FLT4: variants seen among roughly 807,000 people sequenced by gnomAD.
FLT4 encodes vascular endothelial growth factor receptor 3.
FLT4 carries 30 observed loss-of-function variants against 163.2 expected under a neutral mutation model. That is an observed-to-expected ratio of 0.18 (90% CI 0.14 to 0.25). FLT4 has a LOEUF of 0.25. FLT4 is among the 10% of genes least tolerant of loss of function. The probability of loss-of-function intolerance (pLI) is 1.00; values close to 1 mark genes in which losing one functional copy is unlikely to be tolerated. For missense variants in FLT4, 1,510 were observed against 1,863.8 expected (o/e 0.81, Z 3.50); for synonymous variants, 884 against 789.5 (o/e 1.12, Z -2.01).
chr5:180,641,397 G>T (rs1765086161), intron 1 of FLT4, among the ~76,000 whole-genome samples: 1 of 152,224 alleles, frequency 6.6e-6, no homozygotes, highest in Admixed American at 6.5e-5. Context: ...CCTGGGCCTG[G>T]CCCTACTTCT....
At chr5:180,616,207 C>T (rs1307673097) in intron 23 of FLT4, among the ~76,000 whole-genome samples, 160 bp downstream of exon 23, 1 of 152,192 alleles carries the variant, frequency 6.6e-6, no homozygotes, top group Admixed American at 6.5e-5. Flanking sequence ...GTAGGGTCCC[C>T]TGGGGGCAGG....
rs1454083597 is a variant in FLT4, at chr5:180,623,982, T to C, written c.1501A>G (p.Ile501Val). The C allele has an allele frequency of 6.2e-7, 1 of 1,613,598 alleles. No individual in the cohort carries two copies. The highest frequency in any genetic ancestry group is 2.2e-5 in the East Asian group (1 of 44,870). The part of the protein sequence containing the change: ...AVTTQDAVNP[I>V]ESLDTWTEFV... Reference sequence around the variant, plus strand: ...TCGGTCCAGGTGTCCAGGCTCTCGATGGGGTTCACGGCATCCTGCGTGGTC... The same window carrying C: ...TCGGTCCAGGTGTCCAGGCTCTCGACGGGGTTCACGGCATCCTGCGTGGTC... Residue 501 changes from isoleucine to valine, a missense_variant, in exon 11 of 30, where the codon ATC becomes GTC. Coordinates refer to ENST00000261937, the MANE Select transcript of FLT4 (RefSeq NM_182925.5). This position sits in a 1 kb window ranked among gnomAD's most constrained non-coding sequence, Gnocchi z 5.8.
rs779816482 is a variant in FLT4 at position 180,630,052 on chromosome 5, C to A, written c.567G>T (p.Arg189=). The A allele has an allele frequency of 3.1e-6, 5 of 1,612,670 alleles. No individual in the cohort carries two copies. The highest frequency in any genetic ancestry group is 4.2e-6 in the Non-Finnish European group (5 of 1,180,014). The stretch of plus-strand genomic sequence containing the variant: ...GCAGTGGCGTGGACACGAGCATGCC[C>A]CGCCGGTCATCCCACACCACCTCCT... The part of the protein sequence containing the change: ...DGQEVVWDDR[R]GMLVSTPLLH... Residue 189 remains arginine, a synonymous_variant, in exon 5 of 30, where the codon CGG becomes CGT. Transcript: ENST00000261937. The surrounding 1 kb of genome is among the most constrained non-coding windows in gnomAD (Gnocchi z 6.3).
rs1764210350 is a variant in FLT4 at position 180,632,001 on chromosome 5, GC to G, written c.59-224del. 5.9e-5 allele frequency among the ~76,000 whole-genome samples: 9 copies of G among 152,188 alleles called. No homozygotes were observed. The South Asian group carries it at 1.7e-3, about 28-fold the overall frequency. On this transcript the variant is annotated intron_variant, in intron 1 of 29. Coordinates refer to ENST00000261937, the MANE Select transcript of FLT4 (RefSeq NM_182925.5). Reference sequence around the variant, plus strand: ...CGAACCTCTCCCACAGGCGCACCCTGCCTTGCCCCACAGCCCCCATCCTCAG... The same window carrying G: ...CGAACCTCTCCCACAGGCGCACCCTGCTTGCCCCACAGCCCCCATCCTCAG...
chr5:180,616,513 G>A (rs375643645), intron 22 of FLT4, 24 bp from the exon 23 acceptor site: 1 of 1,613,104 alleles, frequency 6.2e-7, no homozygotes, highest in Non-Finnish European at 8.5e-7. Context: ...AGGCGGCAGG[G>A]GGGCTGTCAG....
At chr5:180,640,721 G>A (rs1403831415) in intron 1 of FLT4, among the ~76,000 whole-genome samples, 2 of 152,194 alleles carry the variant, frequency 1.3e-5, no homozygotes, top group African/African-American at 2.4e-5. Flanking sequence ...CCATGATGTG[G>A]GAGTCGGCCC....
Position 180,618,818 on chromosome 5 carries a change from A to G in FLT4, c.2953T>C (p.Phe985Leu). 1 of 1,586,070 alleles carries G rather than the reference A, an allele frequency of 6.3e-7. No individual in the cohort carries two copies. Among genetic ancestry groups the G allele is most frequent in the Non-Finnish European group, 8.6e-7 (1 of 1,166,974 alleles). The change falls in exon 21 of 30, where the codon TTC (phenylalanine) becomes CTC (leucine). Residue 985 changes from phenylalanine to leucine, a missense_variant. Physicochemically the swap from Phe to Leu is conservative, Grantham distance 22. Transcript: ENST00000261937. ...GSSDRVLFARFSKTEGGARRA... is the reference protein window; with the variant it reads ...GSSDRVLFARLSKTEGGARRA... The stretch of plus-strand genomic sequence containing the variant: ...CTCGCTCCGCCCTCGGTCTTCGAGA[A>G]CCGCGCGAAGAGGACCCTGTCGCTG...
chr5:180,619,918 G>A, intron 17 of FLT4, 149 bp from the exon 18 acceptor site: 1 of 689,840 alleles, frequency 1.4e-6, no homozygotes, highest in Non-Finnish European at 2.5e-6. Context: ...ACAAGGAGAG[G>A]TGGACAGGAG....
chr5:180,632,214 T>C (rs1209865480), intron 1 of FLT4, among the ~76,000 whole-genome samples: 1 of 140,946 alleles, frequency 7.1e-6, no homozygotes, highest in Non-Finnish European at 1.6e-5. Flanking sequence ...GGTCCGCACA[T>C]CCCAGGTCCT....
intron 29 of FLT4, among the ~76,000 whole-genome samples, chr5:180,606,362 C>A (rs956920550): frequency 2.0e-5 from 3 of 152,232 alleles, no homozygotes; most frequent in Non-Finnish European, 4.4e-5. Context: ...GCTCTCCTCG[C>A]AGCCCCATCT....
At chr5:180,607,619 A>C (rs13161505) in intron 29 of FLT4, among the ~76,000 whole-genome samples, 1 of 144,662 alleles carries the variant, frequency 6.9e-6, no homozygotes, top group African/African-American at 2.5e-5. Context: ...CTAGCCTGGG[A>C]GACAGAGCGA....
chr5:180,614,808 C>T (rs80336108), intron 23 of FLT4, among the ~76,000 whole-genome samples: 2,721 of 152,264 alleles, frequency 0.018, 83 homozygotes, highest in African/African-American at 0.06. Context: ...CTCCAACCAG[C>T]GGCCATGCTG....
intron 1 of FLT4, among the ~76,000 whole-genome samples, chr5:180,648,615 GCTT>G (rs1765590407): frequency 6.6e-6 from 1 of 152,010 alleles, no homozygotes; most frequent in African/African-American, 2.4e-5. Flanking sequence ...CATCTTCTCA[GCTT>G]CCTCCCTGAC....
Position 180,602,990 on chromosome 5 carries a change from C to T in FLT4, c.*202G>A, listed in dbSNP as rs1339215249. 1 of 620,132 alleles carries T rather than the reference C, an allele frequency of 1.6e-6. No homozygotes were observed. The highest frequency in any genetic ancestry group is 2.7e-5 in the East Asian group (1 of 36,462). The allele number at this position is 620,132 out of a possible 1,614,324, so 38.4% of individuals were successfully genotyped here. ...GGGGCCGGGGCAGCTGGAGCGTGGC[C>T]CTGGCCAGTCGTGGTGACGGAATTC... On this transcript the variant is annotated 3_prime_UTR_variant, in exon 30 of 30. Coordinates refer to ENST00000261937, the MANE Select transcript of FLT4 (RefSeq NM_182925.5).
At chr5:180,607,498 G>A (rs1048772724) in intron 29 of FLT4, among the ~76,000 whole-genome samples, 4 of 151,934 alleles carry the variant, frequency 2.6e-5, no homozygotes, top group Non-Finnish European at 4.4e-5. Context: ...ACAATTAGCC[G>A]GGCGTGGTGG....
chr5:180,627,931 C>T (rs1461725850), intron 8 of FLT4, among the ~76,000 whole-genome samples: 1 of 152,140 alleles, frequency 6.6e-6, no homozygotes, highest in Non-Finnish European at 1.5e-5. Context: ...GTGGGAGGGT[C>T]ACACTGGGCT....
Position 180,630,898 on chromosome 5 carries a change from A to G in FLT4, c.156-99T>C. The G allele has an allele frequency of 7.1e-7, 1 of 1,408,268 alleles. No homozygotes were observed. Among genetic ancestry groups the G allele is most frequent in the South Asian group, 1.4e-5 (1 of 72,358 alleles). The allele number at this position is 1,408,268 out of a possible 1,614,324, so 87.2% of individuals were successfully genotyped here. A position where few individuals can be genotyped will look rare whatever the true frequency, so the allele number is the denominator to read the frequency against. ...GGCCGAGCCTCACCAGGTTTGTCTT[A>G]CCCAGAGCATGGAACTGCCCAGGGT... On this transcript the variant is annotated intron_variant, in intron 2 of 29. Transcript: ENST00000261937. The surrounding 1 kb of genome is among the most constrained non-coding windows in gnomAD (Gnocchi z 6.3).
chr5:180,645,314 G>C (rs957012015), intron 1 of FLT4, among the ~76,000 whole-genome samples: 1 of 152,250 alleles, frequency 6.6e-6, no homozygotes, highest in Non-Finnish European at 1.5e-5. Context: ...CTGAGCAGAT[G>C]CTAAGCTCCC....
chr5:180,608,923 G>A (rs1581608636), intron 29 of FLT4, 45 bp downstream of exon 29: 2 of 1,510,204 alleles, frequency 1.3e-6, no homozygotes, highest in South Asian at 2.2e-5. Flanking sequence ...TCCAGGGGAG[G>A]GCAACATCGA....
Sources: allele counts gnomAD v4.1 joint callset (sites outside exome capture counted in the v4.1 genomes callset), GRCh38; gene constraint gnomAD v4.1.1; non-coding constraint Gnocchi (gnomAD v3.1); transcripts MANE v1.5; gene names NCBI Gene and HGNC (gene_info 2026-07-23, HGNC 2026-07-21).